LRRC37A2: variants seen among roughly 807,000 people sequenced by gnomAD.
LRRC37A2 encodes the protein leucine rich repeat containing 37 member A2.
In LRRC37A2, 9 loss-of-function variants were observed where a neutral mutation model predicts 68.8. That is an observed-to-expected ratio of 0.13 (90% confidence interval 0.08 to 0.23). The LOEUF (loss-of-function observed/expected upper bound fraction) is 0.23, where lower values mean the gene tolerates loss of function less well. LRRC37A2 is among the 10% of genes least tolerant of loss of function. The pLI, the probability that LRRC37A2 is intolerant of heterozygous loss-of-function variation, is 1.00. For synonymous variants in LRRC37A2, 63 were observed against 367.6 expected (o/e 0.17, Z 9.48); for missense variants, 168 against 950.4 (o/e 0.18, Z 10.82).
At chr17:46,953,904 T>G in the LRRC37A2 span, among the ~76,000 whole-genome samples, 1 of 152,244 alleles carries the variant, frequency 6.6e-6, no homozygotes, top group African/African-American at 2.4e-5. Context: ...CTTGTAAATT[T>G]GTTTGAGTTC....
chr17:46,901,097 T>G, the LRRC37A2 span, among the ~76,000 whole-genome samples: 1 of 152,146 alleles, frequency 6.6e-6, no homozygotes, highest in Non-Finnish European at 1.5e-5. Flanking sequence ...GAGGAAGATG[T>G]TTGAGGTAGA....
At chr17:46,783,388 A>G in the LRRC37A2 span, among the ~76,000 whole-genome samples, 2 of 152,234 alleles carry the variant, frequency 1.3e-5, no homozygotes, top group African/African-American at 4.8e-5. Flanking sequence ...TTCACTGCCT[A>G]TTCACTCAAC....
the LRRC37A2 span, among the ~76,000 whole-genome samples, chr17:47,022,163 G>GTTTTTTTTTTTTTTTTTTTTTTT: frequency 5.2e-5 from 1 of 19,362 alleles, no homozygotes; most frequent in African/African-American, 9.4e-5. Flanking sequence ...ATTCCTTTTT[G>GTTTTTTTTTTTTTTTTTTTTTTT]TTCTCTTTTT....
At chr17:47,009,972 G>A in the LRRC37A2 span, among the ~76,000 whole-genome samples, 1 of 152,368 alleles carries the variant, frequency 6.6e-6, no homozygotes, top group East Asian at 1.9e-4. Context: ...GCCGGGAGGG[G>A]ACAAGTTGTC....
chr17:46,489,908 T>G, the LRRC37A2 span, among the ~76,000 whole-genome samples: 1 of 151,244 alleles, frequency 6.6e-6, no homozygotes, highest in African/African-American at 2.5e-5. Flanking sequence ...GCAAATACAC[T>G]CACTTGCGAT....
chr17:46,727,160 G>A, the LRRC37A2 span, among the ~76,000 whole-genome samples: 1 of 152,142 alleles, frequency 6.6e-6, no homozygotes. Flanking sequence ...AAAAAATTTT[G>A]TAAGTTAAAA....
chr17:46,857,500 A>C, the LRRC37A2 span, among the ~76,000 whole-genome samples: 1 of 148,204 alleles, frequency 6.7e-6, no homozygotes. Context: ...AAAAAAAGAT[A>C]TTTGGGTTAT....
the LRRC37A2 span, among the ~76,000 whole-genome samples, chr17:46,989,944 A>T: frequency 1.3e-5 from 2 of 152,048 alleles, no homozygotes; most frequent in Non-Finnish European, 1.5e-5. Flanking sequence ...TGAGCCCAAA[A>T]CCCCACAGAA....
At chr17:46,879,749 C>A in the LRRC37A2 span, among the ~76,000 whole-genome samples, 1 of 152,254 alleles carries the variant, frequency 6.6e-6, no homozygotes, top group Non-Finnish European at 1.5e-5. Flanking sequence ...AGCCTGGATA[C>A]CACTGTGAGC....
At chr17:46,836,521 A>G in the LRRC37A2 span, among the ~76,000 whole-genome samples, 4 of 152,232 alleles carry the variant, frequency 2.6e-5, no homozygotes, top group Non-Finnish European at 5.9e-5. Flanking sequence ...CACATTGTAA[A>G]TGTCGATGAT....
the LRRC37A2 span, chr17:47,018,260 C>T: frequency 3.7e-6 from 6 of 1,611,564 alleles, no homozygotes; most frequent in Middle Eastern, 2.1e-4. Flanking sequence ...ATGAACTTTC[C>T]ATCAGTGAGC....
the LRRC37A2 span, among the ~76,000 whole-genome samples, chr17:46,919,469 G>A: frequency 6.6e-6 from 1 of 152,162 alleles, no homozygotes; most frequent in Non-Finnish European, 1.5e-5. Context: ...GAGATCTTCT[G>A]GACTTCAATT....
the LRRC37A2 span, among the ~76,000 whole-genome samples, chr17:46,819,504 T>G: frequency 6.6e-6 from 1 of 151,990 alleles, no homozygotes. The surrounding 1 kb of genome is among the most constrained non-coding windows in gnomAD (Gnocchi z 5.3). Flanking sequence ...CTGGCCCGGG[T>G]CGGAGGCGTG....
chr17:46,790,841 A>G, the LRRC37A2 span, among the ~76,000 whole-genome samples: 109 of 152,296 alleles, frequency 7.2e-4, 1 homozygote, highest in African/African-American at 2.6e-3. Flanking sequence ...CTCGCGTTTT[A>G]TGTGCGTTCC....
At chr17:47,046,205 A>G in the LRRC37A2 span, among the ~76,000 whole-genome samples, 3 of 137,402 alleles carry the variant, frequency 2.2e-5, no homozygotes, top group Admixed American at 7.4e-5. Flanking sequence ...TTAGCTGGGC[A>G]TGGTGGTGCA....
At chr17:46,589,339 AATT>A in the LRRC37A2 span, among the ~76,000 whole-genome samples, 1 of 39,832 alleles carries the variant, frequency 2.5e-5, no homozygotes, top group African/African-American at 1.8e-4. Flanking sequence ...AATAGGCGTG[AATT>A]TTTTTTTTTT....
the LRRC37A2 span, among the ~76,000 whole-genome samples, chr17:46,859,050 C>T: frequency 2.0e-5 from 3 of 150,284 alleles, no homozygotes; most frequent in Admixed American, 6.7e-5. Context: ...GATCTCGGCT[C>T]ACTGCAACCT....
chr17:46,829,224 A>G, the LRRC37A2 span, among the ~76,000 whole-genome samples: 1 of 151,976 alleles, frequency 6.6e-6, no homozygotes, highest in Non-Finnish European at 1.5e-5. Context: ...CTGGAGTGCA[A>G]TGGAGCAATC....
chr17:47,028,347 T>G, the LRRC37A2 span: 1 of 1,495,120 alleles, frequency 6.7e-7, no homozygotes, highest in South Asian at 1.1e-5. Flanking sequence ...CGAAATGCAG[T>G]TTTTACATAA....
Sources: allele counts gnomAD v4.1 joint callset (sites outside exome capture counted in the v4.1 genomes callset), GRCh38; gene constraint gnomAD v4.1.1; non-coding constraint Gnocchi (gnomAD v3.1); transcripts MANE v1.5; gene names NCBI Gene and HGNC (gene_info 2026-07-23, HGNC 2026-07-21).